Variants in RPGRIP1L observed in about 807,000 individuals in gnomAD.
RPGRIP1L encodes protein fantom.
RPGRIP1L carries 131 observed loss-of-function variants against 160.4 expected under a neutral mutation model. That is an observed-to-expected ratio of 0.82 (90% CI 0.71 to 0.94). The LOEUF (loss-of-function observed/expected upper bound fraction) is 0.94. Ranked by LOEUF, RPGRIP1L falls within the 40% of genes least tolerant of loss-of-function variation. RPGRIP1L has a pLI of 0.00. For synonymous variants in RPGRIP1L, 510 were observed against 515.8 expected (o/e 0.99, Z 0.15); for missense variants, 1,522 against 1,535.8 (o/e 0.99, Z 0.15).
rs1966031102 is a variant in RPGRIP1L, at chr16:53,639,021, T to G, written c.2959-610A>C. ...GTATTTTCTAATATTTCTATGATGA[T>G]TATAAACTACTCATGTGATTTTAAA... On this transcript the variant is annotated intron_variant, in intron 19 of 26. Coordinates refer to ENST00000647211, the MANE Select transcript of RPGRIP1L (RefSeq NM_015272.5). 2.6e-5 allele frequency among the ~76,000 whole-genome samples: 4 copies of G among 151,862 alleles called. No homozygotes were observed. The South Asian group carries it at 8.3e-4, about 31-fold the overall frequency.
chr16:53,697,931 G>A (rs575119375), intron 2 of RPGRIP1L, among the ~76,000 whole-genome samples: 228 of 149,088 alleles, frequency 1.5e-3, no homozygotes, highest in African/African-American at 4.5e-3. Context: ...GCCTCTTCCC[G>A]GCCGCCATCC....
At chr16:53,638,546 A>C (rs530182081) in intron 19 of RPGRIP1L, 135 bp from the exon 20 acceptor site, 2 of 510,230 alleles carry the variant, frequency 3.9e-6, no homozygotes, top group Non-Finnish European at 6.9e-6. Context: ...CACTGAATTT[A>C]CTTAGTATAT....
intron 8 of RPGRIP1L, among the ~76,000 whole-genome samples, 192 bp from the exon 9 acceptor site, chr16:53,671,775 AT>A (rs751980434): frequency 3.3e-5 from 5 of 152,304 alleles, no homozygotes; most frequent in African/African-American, 4.8e-5. Flanking sequence ...AAGTTGTTAA[AT>A]AAACGTGAAA....
rs1212270601 is a variant in RPGRIP1L, at chr16:53,600,176, C to A, written c.*1900G>T. Reference sequence around the variant, plus strand: ...AATACCACAATAAATGTCTCAAAAACCACTCAGTTAATCCCAGGGTATAAT... The same window carrying A: ...AATACCACAATAAATGTCTCAAAAAACACTCAGTTAATCCCAGGGTATAAT... On this transcript the variant is annotated 3_prime_UTR_variant, in exon 27 of 27. Coordinates refer to ENST00000647211, the MANE Select transcript of RPGRIP1L (RefSeq NM_015272.5). 1 of 152,606 alleles carries A rather than the reference C, an allele frequency of 6.6e-6. No individual in the cohort carries two copies. Among genetic ancestry groups the A allele is most frequent in the African/African-American group, 2.4e-5 (1 of 41,432 alleles). The allele number at this position is 152,606 out of a possible 1,614,324, so 9.5% of individuals were successfully genotyped here.
intron 21 of RPGRIP1L, 40 bp downstream of exon 21, chr16:53,637,655 A>G (rs1320258279): frequency 1.9e-6 from 3 of 1,574,470 alleles, no homozygotes; most frequent in Non-Finnish European, 2.6e-6. Flanking sequence ...AACAAAGCAC[A>G]GGGTTAACTA....
chr16:53,648,934 T>C (rs750762746), intron 16 of RPGRIP1L, 30 bp downstream of exon 16: 2 of 1,598,006 alleles, frequency 1.3e-6, no homozygotes, highest in Non-Finnish European at 1.7e-6. Flanking sequence ...TTCTATGTCA[T>C]AAAAGGGTCT....
intron 6 of RPGRIP1L, among the ~76,000 whole-genome samples, chr16:53,683,083 A>T (rs952396434): frequency 6.6e-6 from 1 of 151,914 alleles, no homozygotes; most frequent in Non-Finnish European, 1.5e-5. Flanking sequence ...TTTTTAGCCC[A>T]CTTTTTTTTT....
At chr16:53,696,706 A>AT (rs935645193) in intron 2 of RPGRIP1L, among the ~76,000 whole-genome samples, 2 of 152,282 alleles carry the variant, frequency 1.3e-5, no homozygotes, top group African/African-American at 4.8e-5. Flanking sequence ...TAACTAAGAT[A>AT]TTTTTCTGTG....
At chr16:53,699,411 A>T (rs1292883905) in intron 2 of RPGRIP1L, among the ~76,000 whole-genome samples, 5 of 150,090 alleles carry the variant, frequency 3.3e-5, no homozygotes, top group African/African-American at 1.2e-4. Flanking sequence ...AAAAAAAAAA[A>T]TTGGTATTTT....
chr16:53,646,058 G>T (rs1249560207), intron 16 of RPGRIP1L, 55 bp from the exon 17 acceptor site: 16 of 1,519,824 alleles, frequency 1.1e-5, no homozygotes, highest in Non-Finnish European at 1.4e-5. Flanking sequence ...AAGATGAACA[G>T]CAGCTGCCAA....
At position 53,641,253 on chromosome 16, in the gene RPGRIP1L, T is replaced by C. The variant is rs140186301; in HGVS notation, c.2874+32A>G. ...AAGCTTTATATTCAAAATTTTATAC[T>C]TGTAAAAAAATTAAAAGTCACTGAT... On this transcript the variant is annotated intron_variant, in intron 18 of 26. Coordinates refer to ENST00000647211, the MANE Select transcript of RPGRIP1L (RefSeq NM_015272.5). The C allele has an allele frequency of 5.1e-5, 82 of 1,601,342 alleles. No homozygotes were observed. The East Asian group carries it at 1.4e-3, about 28-fold the overall frequency.
chr16:53,648,626 G>GCGCACA (rs1555602385), intron 16 of RPGRIP1L, among the ~76,000 whole-genome samples: 5,037 of 144,006 alleles, frequency 0.035, 133 homozygotes, highest in Non-Finnish European at 0.047. Flanking sequence ...GCGCGCGCGC[G>GCGCACA]CACACACACA....
intron 10 of RPGRIP1L, 130 bp downstream of exon 10, chr16:53,664,740 T>G: frequency 9.8e-7 from 1 of 1,025,016 alleles, no homozygotes; most frequent in Non-Finnish European, 1.5e-6. Context: ...TGAGAGTGGA[T>G]GACTGTGTCT....
At chr16:53,622,001 A>G (rs1403319947) in intron 23 of RPGRIP1L, among the ~76,000 whole-genome samples, 3 of 132,764 alleles carry the variant, frequency 2.3e-5, no homozygotes, top group East Asian at 2.4e-4. Flanking sequence ...CCAGCCTGGC[A>G]GACAGAGCAA....
At chr16:53,626,295 C>A (rs1965172093) in intron 22 of RPGRIP1L, among the ~76,000 whole-genome samples, 1 of 151,934 alleles carries the variant, frequency 6.6e-6, no homozygotes, top group South Asian at 2.1e-4. Flanking sequence ...ATTACTAGAG[C>A]AACATGACCG....
chr16:53,702,599 A>G (rs182974894), intron 1 of RPGRIP1L, among the ~76,000 whole-genome samples: 1 of 152,114 alleles, frequency 6.6e-6, no homozygotes, highest in Admixed American at 6.5e-5. Flanking sequence ...TTTGGAGCTC[A>G]GTTCACTTCC....
intron 24 of RPGRIP1L, among the ~76,000 whole-genome samples, chr16:53,613,257 G>T (rs1305202223): frequency 6.6e-6 from 1 of 151,694 alleles, no homozygotes; most frequent in African/African-American, 2.4e-5. Context: ...ATTCTTTTTG[G>T]TATATACCCA....
Position 53,614,743 on chromosome 16 carries a change from G to T in RPGRIP1L, c.3617-3692C>A, listed in dbSNP as rs767323289. Among the ~76,000 whole-genome samples the T allele has an allele frequency of 3.9e-5, 6 of 152,108 alleles. No homozygotes were observed. In the South Asian group the frequency reaches 1.0e-3, roughly 26 times the overall value. On this transcript the variant is annotated intron_variant, in intron 24 of 26. Transcript: ENST00000647211. ...ACTCTAGTGATTATTAAAAGTATCA[G>T]AACTCTCCAAAAGTTAAGGTATTTA...
At chr16:53,651,276 A>AT (rs1966851088) in intron 15 of RPGRIP1L, among the ~76,000 whole-genome samples, 1 of 152,184 alleles carries the variant, frequency 6.6e-6, no homozygotes. Flanking sequence ...AGTTAATAAA[A>AT]TATGTACTGA....
Sources: gnomAD v4.1 joint callset for allele counts (sites outside exome capture counted in the v4.1 genomes callset) on GRCh38, gnomAD v4.1.1 for gene constraint, MANE v1.5 for transcripts, NCBI Gene and HGNC (gene_info 2026-07-23, HGNC 2026-07-21) for gene names.